Variants in SCUBE1 observed in about 807,000 individuals in gnomAD.
SCUBE1 encodes signal peptide, CUB domain and EGF like domain containing 1.
Under a neutral mutation model 124.4 loss-of-function variants are expected in SCUBE1, and 59 were observed. The observed-to-expected ratio is 0.47, with a 90% CI of 0.38 to 0.59. The LOEUF (loss-of-function observed/expected upper bound fraction) is 0.59. Among genes scored for constraint, SCUBE1 ranks in the 20% least tolerant of loss-of-function variants. SCUBE1 has a pLI of 0.00. For missense variants in SCUBE1, 1,150 were observed against 1,371.2 expected (o/e 0.84, Z 2.55); for synonymous variants, 545 against 550.9 (o/e 0.99, Z 0.15).
At chr22:43,338,433 G>A (rs1035146409) in intron 2 of SCUBE1, among the ~76,000 whole-genome samples, 1 of 152,212 alleles carries the variant, frequency 6.6e-6, no homozygotes, top group Non-Finnish European at 1.5e-5. Context: ...GGGTCGGGGG[G>A]CAAGCCCAGG....
Position 43,343,195 on chromosome 22 carries a change from C to A in SCUBE1, c.67G>T (p.Ala23Ser), listed in dbSNP as rs1427591202. ...LLALGTRGRL[A>S]GGSGLPGSVD... ...TTACCTGGGAGCCCGCTGCCCCCGG[C>A]CAGCCGCCCGCGTGTGCCCAGGGCC... Residue 23 changes from alanine (A) to serine (S), a missense_variant, in exon 1 of 22, where the codon GCC becomes TCC. Ala to Ser is a moderately conservative substitution (Grantham distance 99). Coordinates refer to ENST00000360835, the MANE Select transcript of SCUBE1 (RefSeq NM_173050.5). The A allele has an allele frequency of 8.4e-7, 1 of 1,197,404 alleles. No homozygotes were observed. 74.2% of individuals were successfully genotyped at this position (1,197,404 alleles called of 1,614,324 possible). A position where few individuals can be genotyped will look rare whatever the true frequency, so the allele number is the denominator to read the frequency against.
chr22:43,217,594 CAA>C (rs1336201208), intron 15 of SCUBE1, among the ~76,000 whole-genome samples: 2 of 152,214 alleles, frequency 1.3e-5, no homozygotes, highest in Non-Finnish European at 2.9e-5. Flanking sequence ...CCATCCAACT[CAA>C]GAGTGGTGTC....
At chr22:43,322,058 C>G (rs1416020048) in intron 2 of SCUBE1, among the ~76,000 whole-genome samples, 1 of 151,910 alleles carries the variant, frequency 6.6e-6, no homozygotes, top group African/African-American at 2.4e-5. Flanking sequence ...GATCTCAGCT[C>G]ACTGCAACCT....
At chr22:43,277,889 G>C (rs944757102) in intron 4 of SCUBE1, among the ~76,000 whole-genome samples, 1 of 152,278 alleles carries the variant, frequency 6.6e-6, no homozygotes, top group Admixed American at 6.5e-5. Flanking sequence ...AAGGACGCCA[G>C]GGCTGGGCAA....
At chr22:43,268,299 C>A (rs1209784516) in intron 4 of SCUBE1, among the ~76,000 whole-genome samples, 1 of 152,266 alleles carries the variant, frequency 6.6e-6, no homozygotes, top group Non-Finnish European at 1.5e-5. Flanking sequence ...GGACAGCTCC[C>A]TTGACCTAGA....
At chr22:43,212,207 T>C (rs1269158161) in intron 17 of SCUBE1, among the ~76,000 whole-genome samples, 1 of 151,962 alleles carries the variant, frequency 6.6e-6, no homozygotes, top group Non-Finnish European at 1.5e-5. Context: ...GGAGCTGCTG[T>C]TCCCCCTGGA....
In SCUBE1 at chr22:43,201,545, AAGG is replaced by A. The variant is rs977043060; in HGVS notation, c.*2449_*2451del. ...TCTGTTGAGGGCCCCAATAGAAAAG[AAGG>A]AGGAGGAAGGGAGAATCCTCCCTTT... On this transcript the variant is annotated 3_prime_UTR_variant, in exon 22 of 22. Coordinates refer to ENST00000360835, the MANE Select transcript of SCUBE1 (RefSeq NM_173050.5). 6 of 151,750 alleles carry A rather than the reference AAGG, an allele frequency of 4.0e-5. No homozygotes were observed. Among genetic ancestry groups the A allele is most frequent in the Non-Finnish European group, 7.4e-5 (5 of 67,928 alleles). The allele number at this position is 151,750 out of a possible 1,614,324, so 9.4% of individuals were successfully genotyped here. A position where few individuals can be genotyped will look rare whatever the true frequency, so the allele number is the denominator to read the frequency against.
intron 11 of SCUBE1, 134 bp downstream of exon 11, chr22:43,222,963 G>T: frequency 7.8e-7 from 1 of 1,284,532 alleles, no homozygotes; most frequent in Non-Finnish European, 1.1e-6. Context: ...AGCTGCCTTA[G>T]GGTCACTCAG....
chr22:43,218,535 C>T lies in SCUBE1; in HGVS notation c.1688-77G>A, dbSNP rs577562869. 1.0e-4 allele frequency: 157 copies of T among 1,501,040 alleles called. 2 individuals are homozygous for T. The South Asian group carries it at 1.3e-3, about 13-fold the overall frequency. The allele number at this position is 1,501,040 out of a possible 1,614,324, so 93.0% of individuals were successfully genotyped here. On this transcript the variant is annotated intron_variant, in intron 14 of 21. Transcript: ENST00000360835. ...CTGCCTTCTTAGCTGAGGGCTCCCC[C>T]GTGCCAGGCCCTGCACTGGGCTCGG...
At chr22:43,236,000 G>C (rs908545535) in intron 7 of SCUBE1, among the ~76,000 whole-genome samples, 1 of 152,082 alleles carries the variant, frequency 6.6e-6, no homozygotes, top group Non-Finnish European at 1.5e-5. Context: ...CCACCTGCCC[G>C]GGGTTTGCAG....
At chr22:43,231,997 C>A in intron 7 of SCUBE1, 122 bp from the exon 8 acceptor site, 1 of 1,211,822 alleles carries the variant, frequency 8.3e-7, no homozygotes, top group East Asian at 2.5e-5. Flanking sequence ...TGCCCACTTC[C>A]CAAGCTGGCT....
chr22:43,330,050 T>G, intron 2 of SCUBE1, among the ~76,000 whole-genome samples: 1 of 146,684 alleles, frequency 6.8e-6, no homozygotes, highest in African/African-American at 2.5e-5. Flanking sequence ...CTGGGAGAAA[T>G]GGGGAATTAG....
At chr22:43,248,403 T>C (rs1051643911) in intron 6 of SCUBE1, among the ~76,000 whole-genome samples, 2 of 152,238 alleles carry the variant, frequency 1.3e-5, no homozygotes, top group African/African-American at 4.8e-5. Flanking sequence ...AAGCCCTGCC[T>C]GGCACTGCGA....
intron 19 of SCUBE1, among the ~76,000 whole-genome samples, chr22:43,208,470 C>T (rs1220487025): frequency 6.6e-6 from 1 of 152,188 alleles, no homozygotes; most frequent in African/African-American, 2.4e-5. Flanking sequence ...CCCTGACTCT[C>T]CCCCCATCCC....
At chr22:43,328,401 G>A (rs935392858) in intron 2 of SCUBE1, among the ~76,000 whole-genome samples, 1 of 152,166 alleles carries the variant, frequency 6.6e-6, no homozygotes, top group African/African-American at 2.4e-5. Context: ...CATCCCCTTA[G>A]GGAAAGGCCA....
chr22:43,277,379 G>T (rs1362016359), intron 4 of SCUBE1, among the ~76,000 whole-genome samples: 2 of 151,708 alleles, frequency 1.3e-5, no homozygotes, highest in Admixed American at 6.6e-5. Flanking sequence ...CAGAAGGCTT[G>T]CGGGGCAGGG....
intron 10 of SCUBE1, among the ~76,000 whole-genome samples, chr22:43,224,157 GC>G (rs1245215524): frequency 1.3e-5 from 2 of 152,228 alleles, no homozygotes; most frequent in African/African-American, 4.8e-5. Context: ...AGAAACCCTT[GC>G]TTCCCAGTGT....
At chr22:43,242,941 C>T (rs1451877375) in intron 6 of SCUBE1, among the ~76,000 whole-genome samples, 2 of 152,232 alleles carry the variant, frequency 1.3e-5, no homozygotes, top group South Asian at 4.1e-4. Flanking sequence ...GGAGAACTTA[C>T]ATTGCCTGTC....
intron 6 of SCUBE1, among the ~76,000 whole-genome samples, chr22:43,240,441 C>G (rs1922958399): frequency 6.6e-6 from 1 of 152,204 alleles, no homozygotes; most frequent in African/African-American, 2.4e-5. Context: ...TCCCTGATAC[C>G]CCAGACACGG....
Sources: allele counts gnomAD v4.1 joint callset (sites outside exome capture counted in the v4.1 genomes callset), GRCh38; gene constraint gnomAD v4.1.1; transcripts MANE v1.5; gene names NCBI Gene and HGNC (gene_info 2026-07-23, HGNC 2026-07-21).